Variants in TBX4 observed in about 807,000 individuals in gnomAD.
TBX4 encodes T-box transcription factor TBX4.
In TBX4, 13 loss-of-function variants were observed where a neutral mutation model predicts 54.6. The ratio of observed to expected loss-of-function variants is 0.24; its 90% CI spans 0.15 to 0.38. TBX4 has a LOEUF of 0.38. TBX4 is among the 10% of genes least tolerant of loss of function. The pLI is 1.00. For synonymous variants in TBX4, 314 were observed against 306.7 expected, an observed-to-expected ratio of 1.02 and a Z score of -0.25; for missense variants, 631 against 728.5, an observed-to-expected ratio of 0.87 and a Z score of 1.54.
At chr17:61,466,875 AC>A (rs760548824) in intron 4 of TBX4, among the ~76,000 whole-genome samples, 12 of 152,222 alleles carry the variant, frequency 7.9e-5, no homozygotes, top group Non-Finnish European at 1.6e-4. Flanking sequence ...TCATAATCAT[AC>A]CAGGTGTAGC....
chr17:61,470,789 C>A (rs1000108198), intron 5 of TBX4, among the ~76,000 whole-genome samples: 1 of 152,228 alleles, frequency 6.6e-6, no homozygotes, highest in African/African-American at 2.4e-5. Flanking sequence ...TCCTGCCTGC[C>A]ACTACCTCCC....
chr17:61,465,967 G>C lies in TBX4; in HGVS notation c.401+29G>C. On this transcript the variant is annotated intron_variant, in intron 4 of 8. Transcript: ENST00000644296. The surrounding 1 kb of genome is among the most constrained non-coding windows in gnomAD (Gnocchi z 4.9). The stretch of plus-strand genomic sequence containing the variant: ...AGTGGACCCTGACCGCATCACCCAC[G>C]TTCCCTCAACTGCCCACTTGCCACG... 8 of 1,612,772 alleles carry C rather than the reference G, an allele frequency of 5.0e-6. No homozygotes were observed. The highest frequency in any genetic ancestry group is 6.8e-6 in the Non-Finnish European group (8 of 1,179,160).
At chr17:61,466,790 GGA>G (rs1330058386) in intron 4 of TBX4, among the ~76,000 whole-genome samples, 1 of 152,158 alleles carries the variant, frequency 6.6e-6, no homozygotes, top group Non-Finnish European at 1.5e-5. Flanking sequence ...ATTGTTTTGG[GGA>G]CAAGCCTTTT....
chr17:61,477,468 A>G (rs577456191), intron 5 of TBX4, among the ~76,000 whole-genome samples: 2 of 152,274 alleles, frequency 1.3e-5, no homozygotes, highest in Non-Finnish European at 2.9e-5. Context: ...GGCCCTTGGG[A>G]TCGGGGGCCT....
chr17:61,483,262 A>G lies in TBX4; in HGVS notation c.1387A>G (p.Ser463Gly), dbSNP rs764323057. 1 of 1,613,848 alleles carries G rather than the reference A, an allele frequency of 6.2e-7. No homozygotes were observed. The highest frequency in any genetic ancestry group is 8.5e-7 in the Non-Finnish European group (1 of 1,179,994). The stretch of plus-strand genomic sequence containing the variant: ...GCGGCTGCCCACCCTCTCCGCTCAG[A>G]GCTCCCAGCCACCAGGAAATGCCCA... ...MPRLPTLSAQ[S>G]SQPPGNAHFS... Residue 463 changes from serine (S) to glycine (G), a missense_variant, in exon 9 of 9, where the codon AGC becomes GGC. Around this residue, in one of 3 missense-constraint regions of TBX4, gnomAD observed 354 missense variants for 368.9 expected, o/e 0.96. Coordinates refer to ENST00000644296, the MANE Select transcript of TBX4 (RefSeq NM_001321120.2). The surrounding 1 kb of genome is among the most constrained non-coding windows in gnomAD (Gnocchi z 6.6).
At chr17:61,477,941 C>CAAAAAAAAAA (rs10617980) in intron 5 of TBX4, among the ~76,000 whole-genome samples, 6 of 88,668 alleles carry the variant, frequency 6.8e-5, no homozygotes, top group Admixed American at 2.5e-4. Flanking sequence ...GATTCCATCT[C>CAAAAAAAAAA]AAAAAAAAAA....
At chr17:61,466,902 TC>T (rs2060541192) in intron 4 of TBX4, among the ~76,000 whole-genome samples, 1 of 152,206 alleles carries the variant, frequency 6.6e-6, no homozygotes, top group African/African-American at 2.4e-5. Context: ...ATATCTGTAA[TC>T]CCAGCTACTC....
At chr17:61,471,605 A>G (rs1206019108) in intron 5 of TBX4, among the ~76,000 whole-genome samples, 1 of 151,012 alleles carries the variant, frequency 6.6e-6, no homozygotes, top group Non-Finnish European at 1.5e-5. Context: ...TTTTACACAC[A>G]AAAGGTAGCA....
rs1283677905 is a variant in TBX4, at chr17:61,482,879, T to A, written c.1022-18T>A. 6.2e-7 allele frequency: 1 copy of A among 1,612,402 alleles called. No homozygotes were observed. Among genetic ancestry groups the A allele is most frequent in the Admixed American group, 1.7e-5 (1 of 59,968 alleles). ...GCTGGTGGAAATGGTTCTTCCTGAA[T>A]GTTACTTTGTCTTTCAGCAGACGGT... On this transcript the variant is annotated intron_variant, in intron 8 of 8. Transcript: ENST00000644296.
At chr17:61,452,641 C>T (rs1302264469) in intron 1 of TBX4, 64 bp downstream of exon 1, 1 of 152,512 alleles carries the variant, frequency 6.6e-6, no homozygotes, top group East Asian at 1.9e-4. Flanking sequence ...CACAGGGGCT[C>T]AGGGTTAGGC....
At chr17:61,471,289 G>C (rs1178389488) in intron 5 of TBX4, among the ~76,000 whole-genome samples, 2 of 152,212 alleles carry the variant, frequency 1.3e-5, no homozygotes, top group African/African-American at 4.8e-5. Flanking sequence ...CAGAGAGAAA[G>C]GTTGGGGTCC....
At chr17:61,466,060 G>C (rs1400712513) in intron 4 of TBX4, 122 bp downstream of exon 4, 3 of 1,491,810 alleles carry the variant, frequency 2.0e-6, no homozygotes, top group Admixed American at 1.7e-5. Flanking sequence ...CTGCAGGCTG[G>C]AGTCCACTGC....
At chr17:61,468,188 AC>A (rs1231320208) in intron 5 of TBX4, among the ~76,000 whole-genome samples, 1 of 152,184 alleles carries the variant, frequency 6.6e-6, no homozygotes, top group African/African-American at 2.4e-5. Context: ...GGGAGAAAAG[AC>A]CTTGCTCTGG....
At chr17:61,463,875 G>A (rs1370606615) in intron 3 of TBX4, among the ~76,000 whole-genome samples, 1 of 152,170 alleles carries the variant, frequency 6.6e-6, no homozygotes, top group Admixed American at 6.5e-5. Context: ...GGAAGGGGGA[G>A]GTGAGGCAGC....
intron 1 of TBX4, 97 bp from the exon 2 acceptor site, chr17:61,456,391 C>T: frequency 6.7e-7 from 1 of 1,494,748 alleles, no homozygotes; most frequent in Non-Finnish European, 9.1e-7. Context: ...GCTGCCTCCG[C>T]GCCCCGCACG....
At chr17:61,467,413 T>C in intron 4 of TBX4, 97 bp from the exon 5 acceptor site, 2 of 1,452,612 alleles carry the variant, frequency 1.4e-6, no homozygotes, top group Non-Finnish European at 1.9e-6. Flanking sequence ...AGCTATTTTT[T>C]CCTCTGGTCA....
chr17:61,460,753 T>G lies in TBX4; in HGVS notation c.281+3122T>G, dbSNP rs1214055097. Among the ~76,000 whole-genome samples, 1 of 151,862 alleles carries G rather than the reference T, an allele frequency of 6.6e-6. No homozygotes were observed. The highest frequency in any genetic ancestry group is 2.4e-5 in the African/African-American group (1 of 41,348). On this transcript the variant is annotated intron_variant, in intron 3 of 8. Coordinates refer to ENST00000644296, the MANE Select transcript of TBX4 (RefSeq NM_001321120.2). The surrounding 1 kb of genome is among the most constrained non-coding windows in gnomAD (Gnocchi z 4.4). ...CCACAAAAAAATTTAAATATAAACC[T>G]CCCCAAAATGAAAATTGCCTAACTG...
rs1321899710 is a variant in TBX4 at position 61,484,241 on chromosome 17, GA to G, written c.*726del. 1.3e-5 allele frequency: 2 copies of G among 151,970 alleles called. No homozygotes were observed. The highest frequency in any genetic ancestry group is 2.9e-5 in the Non-Finnish European group (2 of 68,050). 9.4% of individuals were successfully genotyped at this position (151,970 alleles called of 1,614,324 possible). On this transcript the variant is annotated 3_prime_UTR_variant, in exon 9 of 9. Transcript: ENST00000644296. The surrounding 1 kb of genome is among the most constrained non-coding windows in gnomAD (Gnocchi z 4.1). ...TTAAAGGGTTTTTTTTTCCCTTCAA[GA>G]GGAGGGAAAATGCAACCAGTAGCAT...
intron 1 of TBX4, among the ~76,000 whole-genome samples, chr17:61,455,740 G>C (rs1351171411): frequency 6.6e-6 from 1 of 152,220 alleles, no homozygotes; most frequent in African/African-American, 2.4e-5. Flanking sequence ...CACCAGGTAG[G>C]GGAGGCCTGG....
Sources: allele counts gnomAD v4.1 joint callset (sites outside exome capture counted in the v4.1 genomes callset), GRCh38; gene constraint gnomAD v4.1.1; regional missense constraint gnomAD v4.1.1; non-coding constraint Gnocchi (gnomAD v3.1); transcripts MANE v1.5; gene names NCBI Gene and HGNC (gene_info 2026-07-23, HGNC 2026-07-21).